GUCY2C: variants seen among roughly 807,000 people sequenced by gnomAD.
GUCY2C encodes the protein guanylyl cyclase C.
In GUCY2C, 118 loss-of-function variants were observed where a neutral mutation model predicts 131.1. That is an observed-to-expected ratio of 0.90 (90% CI 0.78 to 1.05). The LOEUF (loss-of-function observed/expected upper bound fraction) is 1.05, where lower values mean the gene tolerates loss of function less well. GUCY2C is among the 50% of genes least tolerant of loss of function. The probability of loss-of-function intolerance (pLI) is 0.00; values close to 1 mark genes in which losing one functional copy is unlikely to be tolerated. For synonymous variants in GUCY2C, 452 were observed against 457.8 expected (o/e 0.99, Z 0.16); for missense variants, 1,161 against 1,304.4 (o/e 0.89, Z 1.69).
chr12:14,679,707 A>C lies in GUCY2C; in HGVS notation c.780T>G (p.Gly260=). ...CAATGTCTTCAGCCACTGCTCGGTCACCCTTCAGCTTGTAGAGGAACTCTG... is the reference window on the plus strand; with the variant it reads ...CAATGTCTTCAGCCACTGCTCGGTCCCCCTTCAGCTTGTAGAGGAACTCTG... ...GGPEFLYKLK[G]DRAVAEDIVI... Residue 260 remains glycine, a synonymous_variant, in exon 6 of 27, where the codon GGT becomes GGG. Transcript: ENST00000261170. 1.2e-6 allele frequency: 2 copies of C among 1,602,372 alleles called. No individual in the cohort carries two copies. The highest frequency in any genetic ancestry group is 2.2e-5 in the South Asian group (2 of 90,844).
chr12:14,659,900 G>A (rs1236098925), intron 11 of GUCY2C, among the ~76,000 whole-genome samples: 1 of 152,166 alleles, frequency 6.6e-6, no homozygotes, highest in Non-Finnish European at 1.5e-5. Flanking sequence ...AGAAACACCT[G>A]TTATTATCTT....
At chr12:14,636,273 T>C (rs1947268858) in intron 19 of GUCY2C, among the ~76,000 whole-genome samples, 1 of 152,176 alleles carries the variant, frequency 6.6e-6, no homozygotes, top group Non-Finnish European at 1.5e-5. Context: ...CAAGTGGGAT[T>C]TATCCCCAGG....
At chr12:14,674,194 A>G in intron 8 of GUCY2C, 2 of 220,772 alleles carry the variant, frequency 9.1e-6, no homozygotes, top group South Asian at 1.5e-4. Flanking sequence ...GTTGTTTTGG[A>G]GGGTATTATT....
rs777940200 is a variant in GUCY2C at position 14,674,679 on chromosome 12, C to G, written c.1030G>C (p.Glu344Gln). 3 of 1,612,890 alleles carry G rather than the reference C, an allele frequency of 1.9e-6. No individual in the cohort carries two copies. In the African/African-American group the frequency reaches 4.0e-5, roughly 22 times the overall value. Residue 344 changes from glutamate to glutamine, a missense_variant, in exon 8 of 27, where the codon GAA (glutamate) becomes CAA (glutamine). Coordinates refer to ENST00000261170, the MANE Select transcript of GUCY2C (RefSeq NM_004963.4). The part of the protein sequence containing the change: ...HMLKIFLENG[E>Q]NITTPKFAHA... ...GCAAATTTGGGGGTGGTAATATTTT[C>G]TCCATTTTCAAGAAATATCTTCAGC...
intron 22 of GUCY2C, among the ~76,000 whole-genome samples, chr12:14,621,680 C>T (rs1765684482): frequency 6.6e-6 from 1 of 152,158 alleles, no homozygotes; most frequent in South Asian, 2.1e-4. Flanking sequence ...GTCTTCTCTG[C>T]TTCATTTGCA....
chr12:14,653,225 A>C (rs925158177), intron 12 of GUCY2C, among the ~76,000 whole-genome samples: 1 of 152,194 alleles, frequency 6.6e-6, no homozygotes, highest in Non-Finnish European at 1.5e-5. Flanking sequence ...TACTGCGCTC[A>C]TGCTTAGCTA....
At chr12:14,660,131 G>T (rs1947838678) in intron 11 of GUCY2C, among the ~76,000 whole-genome samples, 1 of 152,164 alleles carries the variant, frequency 6.6e-6, no homozygotes, top group Non-Finnish European at 1.5e-5. Flanking sequence ...TATATGGCAG[G>T]CTGGACATTC....
intron 1 of GUCY2C, among the ~76,000 whole-genome samples, chr12:14,694,735 A>C (rs1364135437): frequency 2.6e-5 from 4 of 152,234 alleles, no homozygotes; most frequent in African/African-American, 9.6e-5. Flanking sequence ...CTTATTATTC[A>C]TATCTGAACA....
chr12:14,621,006 A>G (rs377349009), intron 23 of GUCY2C, 36 bp downstream of exon 23: 2 of 1,562,954 alleles, frequency 1.3e-6, no homozygotes, highest in Non-Finnish European at 8.8e-7. Flanking sequence ...AGCAGTACAT[A>G]TGGTTCCCAA....
chr12:14,637,947 G>A (rs1448350070), intron 19 of GUCY2C, among the ~76,000 whole-genome samples: 2 of 152,128 alleles, frequency 1.3e-5, no homozygotes, highest in Non-Finnish European at 2.9e-5. Context: ...CCTGTTGAAT[G>A]GGAGAAAGTA....
intron 19 of GUCY2C, among the ~76,000 whole-genome samples, chr12:14,632,917 C>G (rs1947178681): frequency 1.3e-5 from 2 of 152,198 alleles, no homozygotes; most frequent in Admixed American, 1.3e-4. Context: ...CACTTGTGGA[C>G]CTGCAGACTG....
intron 16 of GUCY2C, among the ~76,000 whole-genome samples, chr12:14,644,225 T>C (rs1947466802): frequency 6.6e-6 from 1 of 152,190 alleles, no homozygotes; most frequent in African/African-American, 2.4e-5. Flanking sequence ...GGCTCATGCC[T>C]GTAATCCCAG....
intron 10 of GUCY2C, among the ~76,000 whole-genome samples, chr12:14,665,486 G>A (rs1355624983): frequency 6.6e-6 from 1 of 152,184 alleles, no homozygotes; most frequent in African/African-American, 2.4e-5. Context: ...TATTCTGTAG[G>A]TAAAGCAGAG....
At chr12:14,638,704 G>C (rs1305505922) in intron 19 of GUCY2C, among the ~76,000 whole-genome samples, 1 of 152,128 alleles carries the variant, frequency 6.6e-6, no homozygotes, top group Non-Finnish European at 1.5e-5. Context: ...GACTGGGAAG[G>C]GTGTAGGTAG....
intron 11 of GUCY2C, 115 bp downstream of exon 11, chr12:14,660,866 C>G (rs1947853256): frequency 1.4e-6 from 1 of 713,846 alleles, no homozygotes; most frequent in African/African-American, 1.8e-5. Flanking sequence ...TATCTTAGGT[C>G]AGTCTGCAGG....
intron 19 of GUCY2C, among the ~76,000 whole-genome samples, chr12:14,633,687 T>C (rs1947201443): frequency 6.6e-6 from 1 of 150,768 alleles, no homozygotes; most frequent in South Asian, 2.1e-4. Flanking sequence ...AGGATATGAA[T>C]GAGAAATTTA....
intron 25 of GUCY2C, 147 bp downstream of exon 25, chr12:14,616,486 C>A (rs1946764618): frequency 7.8e-6 from 5 of 644,450 alleles, no homozygotes; most frequent in South Asian, 7.7e-5. Flanking sequence ...TTTTGGTGGT[C>A]ATTTCTCTTG....
At chr12:14,677,050 C>A in intron 6 of GUCY2C, 79 bp from the exon 7 acceptor site, 1 of 466,456 alleles carries the variant, frequency 2.1e-6, no homozygotes. Context: ...CAAACTATAC[C>A]ATCATCATTG....
intron 17 of GUCY2C, 79 bp from the exon 18 acceptor site, chr12:14,641,298 A>G: frequency 1.5e-6 from 2 of 1,364,346 alleles, no homozygotes; most frequent in Non-Finnish European, 2.1e-6. Context: ...TTGCTCTCTA[A>G]TTCCCTACAC....
Sources: allele counts gnomAD v4.1 joint callset (sites outside exome capture counted in the v4.1 genomes callset), GRCh38; gene constraint gnomAD v4.1.1; transcripts MANE v1.5; gene names NCBI Gene and HGNC (gene_info 2026-07-23, HGNC 2026-07-21).